MOCOS: variants seen among roughly 807,000 people sequenced by gnomAD.
MOCOS encodes molybdenum cofactor sulfurase, also known as human molybdenum cofactor sulfurase.
Under a neutral mutation model 83.6 loss-of-function variants are expected in MOCOS, and 86 were observed. The ratio of observed to expected loss-of-function variants is 1.03; its 90% CI spans 0.86 to 1.23. MOCOS has a LOEUF of 1.23. Ranked by LOEUF, MOCOS falls within the 50% of genes most tolerant of loss-of-function variation. The pLI, the probability that MOCOS is intolerant of heterozygous loss-of-function variation, is 0.00. For missense variants in MOCOS, 1,120 were observed against 1,126.9 expected (o/e 0.99, Z 0.09); for synonymous variants, 445 against 434.7 (o/e 1.02, Z -0.29).
At chr18:36,195,522 G>A (rs1359700864) in intron 2 of MOCOS, among the ~76,000 whole-genome samples, 176 bp downstream of exon 2, 1 of 152,214 alleles carries the variant, frequency 6.6e-6, no homozygotes, top group African/African-American at 2.4e-5. Flanking sequence ...TAAACATGTG[G>A]CCGGGATGGA....
At chr18:36,188,324 C>A (rs1174415438) in intron 1 of MOCOS, among the ~76,000 whole-genome samples, 1 of 152,254 alleles carries the variant, frequency 6.6e-6, no homozygotes, top group African/African-American at 2.4e-5. Flanking sequence ...TGCAATTTCA[C>A]CTTTAAGAAC....
rs567950428 is a variant in MOCOS at position 36,214,682 on chromosome 18, C to T, written c.1336-834C>T. Among the ~76,000 whole-genome samples the T allele has an allele frequency of 6.6e-5, 10 of 151,840 alleles. No individual in the cohort carries two copies. The East Asian group carries it at 1.9e-3, about 29-fold the overall frequency. ...CTGTATATACTAGATCTCAACTAAC[C>T]ATGAACTGAGTTTTGTTTAAAAAGA... On this transcript the variant is annotated intron_variant, in intron 7 of 14. Transcript: ENST00000261326.
At chr18:36,259,277 T>TA (rs905560718) in intron 12 of MOCOS, among the ~76,000 whole-genome samples, 3 of 151,566 alleles carry the variant, frequency 2.0e-5, no homozygotes, top group Non-Finnish European at 4.4e-5. Flanking sequence ...ACCCCATCTC[T>TA]AAAAAAAGTA....
chr18:36,231,748 C>T (rs1351211839), intron 9 of MOCOS, among the ~76,000 whole-genome samples: 1 of 152,126 alleles, frequency 6.6e-6, no homozygotes, highest in Non-Finnish European at 1.5e-5. Flanking sequence ...GTGGATGATC[C>T]AGAAGTACAG....
intron 9 of MOCOS, among the ~76,000 whole-genome samples, chr18:36,221,464 A>G (rs886660373): frequency 1.3e-5 from 2 of 152,188 alleles, no homozygotes; most frequent in Admixed American, 1.3e-4. Flanking sequence ...GGTAAAAGAC[A>G]TTACAGATAC....
In MOCOS at chr18:36,224,296, A is replaced by C. The variant is rs145044570; in HGVS notation, c.1960+4079A>C. On this transcript the variant is annotated intron_variant, in intron 9 of 14. Transcript: ENST00000261326. ...GTCTTTTATTTCTTTTTCTTGCCTA[A>C]TTGCTCTGACTAGAACTTCCAGTAC... is the stretch of plus-strand genomic sequence containing the variant. Among the ~76,000 whole-genome samples, 111 of 152,208 alleles carry C rather than the reference A, an allele frequency of 7.3e-4. 2 individuals carry two copies. In the East Asian group the frequency reaches 0.019, roughly 25 times the overall value.
chr18:36,229,804 A>C (rs1395006276), intron 9 of MOCOS, among the ~76,000 whole-genome samples: 1 of 151,224 alleles, frequency 6.6e-6, no homozygotes, highest in Non-Finnish European at 1.5e-5. Context: ...TCTTATAATA[A>C]ATTTTTTAGT....
At chr18:36,263,438 G>T (rs1219697910) in intron 13 of MOCOS, among the ~76,000 whole-genome samples, 1 of 152,236 alleles carries the variant, frequency 6.6e-6, no homozygotes, top group African/African-American at 2.4e-5. Context: ...TGTGAAAATT[G>T]CAAAATGCAA....
At chr18:36,254,578 CAT>C (rs1024899375) in intron 11 of MOCOS, among the ~76,000 whole-genome samples, 2 of 140,042 alleles carry the variant, frequency 1.4e-5, no homozygotes, top group Admixed American at 7.2e-5. Context: ...CTTTCCTTTT[CAT>C]ATATATGTGT....
intron 6 of MOCOS, among the ~76,000 whole-genome samples, chr18:36,208,532 G>A (rs72890622): frequency 0.057 from 8,687 of 152,096 alleles, 381 homozygotes; most frequent in East Asian, 0.21. Context: ...GGATTCCTAG[G>A]TATTTTATTA....
In MOCOS at chr18:36,203,112, G is replaced by T. The variant is rs773708623; in HGVS notation, c.942-1G>T. 4.3e-6 allele frequency: 7 copies of T among 1,613,958 alleles called. No individual in the cohort carries two copies. The African/African-American group carries it at 8.0e-5, about 18-fold the overall frequency. ...CTGTTCTCCTTACCCCGTGGTTATA[G>T]GTTTGAAGATGGCACCATCTCATTC... On this transcript the variant is annotated splice_acceptor_variant, in intron 4 of 14. Transcript: ENST00000261326. LOFTEE classifies it high-confidence loss of function.
intron 9 of MOCOS, 138 bp from the exon 10 acceptor site, chr18:36,248,784 C>T: frequency 2.8e-6 from 2 of 722,432 alleles, no homozygotes; most frequent in Non-Finnish European, 4.8e-6. Context: ...GTTCTGTATC[C>T]TGTCACATTG....
Position 36,199,998 on chromosome 18 carries a change from C to A in MOCOS, c.615C>A (p.Asn205Lys), listed in dbSNP as rs766555023. ...TCTTCTGCTACCCAGCTCAGAGTAA[C>A]TTTTCTGGAGTCAGATACCCCCTGT... ...PHLFCYPAQS[N>K]FSGVRYPLSW... The change falls in exon 4 of 15, where the codon AAC becomes AAA. Residue 205 changes from asparagine (N) to lysine (K), a missense_variant. Transcript: ENST00000261326. The A allele has an allele frequency of 6.2e-7, 1 of 1,614,246 alleles. No homozygotes were observed. The highest frequency in any genetic ancestry group is 2.2e-5 in the East Asian group (1 of 44,890).
Position 36,207,312 on chromosome 18 carries a change from C to T in MOCOS, c.1218+2036C>T, listed in dbSNP as rs143504856. Among the ~76,000 whole-genome samples the T allele has an allele frequency of 3.4e-3, 517 of 152,334 alleles. 21 individuals are homozygous for T. The East Asian group carries it at 0.073, about 22-fold the overall frequency. On this transcript the variant is annotated intron_variant, in intron 6 of 14. Transcript: ENST00000261326. The stretch of plus-strand genomic sequence containing the variant: ...TCAGCCTCCCAAAGTGCTGGGATTA[C>T]AGGCATAAGTCACCATGCTTGGCCA...
At position 36,215,799 on chromosome 18, in the gene MOCOS, G is replaced by T; in HGVS notation, c.1619G>T (p.Arg540Met). ...CAGGAAGATGCCCTCACAGGCTCCA[G>T]GGTTTGGAACAACTCGTCTACTGTG... ...SPQEDALTGS[R>M]VWNNSSTVNA... The change falls in exon 8 of 15, where the codon AGG becomes ATG. Residue 540 changes from arginine (R) to methionine (M), a missense_variant. Arg to Met is a moderately conservative substitution (Grantham distance 91). Transcript: ENST00000261326. 1 of 1,614,218 alleles carries T rather than the reference G, an allele frequency of 6.2e-7. No individual in the cohort carries two copies. The highest frequency in any genetic ancestry group is 8.5e-7 in the Non-Finnish European group (1 of 1,180,046).
At chr18:36,210,902 G>T (rs1362581632) in intron 6 of MOCOS, among the ~76,000 whole-genome samples, 1 of 146,344 alleles carries the variant, frequency 6.8e-6, no homozygotes, top group Non-Finnish European at 1.5e-5. Flanking sequence ...TGCTGTGGCA[G>T]TGGCATGGGA....
intron 9 of MOCOS, among the ~76,000 whole-genome samples, chr18:36,243,177 A>C (rs1050265785): frequency 1.3e-5 from 2 of 152,096 alleles, no homozygotes; most frequent in African/African-American, 4.8e-5. Context: ...TTTTTGGATG[A>C]GTCTTTAAGG....
At chr18:36,195,118 A>G (rs916464590) in intron 1 of MOCOS, 139 bp from the exon 2 acceptor site, 3 of 750,586 alleles carry the variant, frequency 4.0e-6, no homozygotes, top group Non-Finnish European at 7.1e-6. Context: ...TCATGCCTAC[A>G]CTTGGATTAA....
chr18:36,226,191 A>G (rs373073419), intron 9 of MOCOS, among the ~76,000 whole-genome samples: 12 of 151,956 alleles, frequency 7.9e-5, no homozygotes, highest in African/African-American at 2.4e-4. Context: ...TTATGTATTT[A>G]GGTGCTCTGA....
Sources: allele counts gnomAD v4.1 joint callset (sites outside exome capture counted in the v4.1 genomes callset), GRCh38; gene constraint gnomAD v4.1.1; transcripts MANE v1.5; gene names NCBI Gene and HGNC (gene_info 2026-07-23, HGNC 2026-07-21).